Variants in EML4 observed in about 807,000 individuals in gnomAD.
EML4 encodes the protein echinoderm microtubule-associated protein-like 4.
In EML4, 72 loss-of-function variants were observed where a neutral mutation model predicts 129.0. The ratio of observed to expected loss-of-function variants is 0.56; its 90% CI spans 0.46 to 0.68. The LOEUF is 0.68. Among genes scored for constraint, EML4 ranks in the 30% least tolerant of loss-of-function variants. The pLI is 0.00. For synonymous variants in EML4, 532 were observed against 405.0 expected, an observed-to-expected ratio of 1.31 and a Z score of -3.77; for missense variants, 1,363 against 1,190.6, an observed-to-expected ratio of 1.14 and a Z score of -2.13.
At chr2:42,259,885 A>C (rs1046675393) in intron 3 of EML4, among the ~76,000 whole-genome samples, 14 of 150,844 alleles carry the variant, frequency 9.3e-5, no homozygotes, top group African/African-American at 3.4e-4. Flanking sequence ...GCCCACCACC[A>C]CACCCAGCTA....
At chr2:42,251,216 G>A (rs950129268) in intron 2 of EML4, among the ~76,000 whole-genome samples, 2 of 152,210 alleles carry the variant, frequency 1.3e-5, no homozygotes, top group African/African-American at 4.8e-5. Context: ...TACATAGGCA[G>A]TTGTAACACA....
intron 13 of EML4, 151 bp from the exon 14 acceptor site, chr2:42,301,090 G>T: frequency 1.7e-6 from 1 of 605,362 alleles, no homozygotes. Flanking sequence ...TACCTGCTTT[G>T]CACAAAAGAC....
intron 4 of EML4, 151 bp downstream of exon 4, chr2:42,261,445 A>G (rs1665730273): frequency 3.9e-6 from 2 of 510,820 alleles, no homozygotes; most frequent in African/African-American, 1.9e-5. Flanking sequence ...TTTATGCTTT[A>G]TAGCCCATTG....
chr2:42,221,517 C>G (rs1005618283), intron 1 of EML4, among the ~76,000 whole-genome samples: 10 of 150,238 alleles, frequency 6.7e-5, no homozygotes, highest in African/African-American at 2.4e-4. Flanking sequence ...CCAAGCAATC[C>G]TCCCACCTGA....
At chr2:42,240,118 A>G (rs983382639) in intron 1 of EML4, among the ~76,000 whole-genome samples, 3 of 152,146 alleles carry the variant, frequency 2.0e-5, no homozygotes, top group Non-Finnish European at 4.4e-5. Context: ...TTGTTTTAGT[A>G]ATCTATGATA....
At position 42,301,246 on chromosome 2, in the gene EML4, T is replaced by G; in HGVS notation, c.1495T>G (p.Tyr499Asp). The G allele has an allele frequency of 7.4e-6, 12 of 1,610,908 alleles. No homozygotes were observed. The highest frequency in any genetic ancestry group is 1.0e-5 in the Non-Finnish European group (12 of 1,178,820). ...PTPGKGPKGV[Y>D]QISKQIKAHD... ...TTATTTTTCCCTCATATTAGGTGTATATCAAATCAGCAAACAAATCAAAGC... is the reference window on the plus strand; with the variant it reads ...TTATTTTTCCCTCATATTAGGTGTAGATCAAATCAGCAAACAAATCAAAGC... The change falls in exon 14 of 23, where the codon TAT (tyrosine) becomes GAT (aspartate). Residue 499 changes from tyrosine to aspartate, a missense_variant. Physicochemically the swap from Tyr to Asp is radical, Grantham distance 160. Coordinates refer to ENST00000318522, the MANE Select transcript of EML4 (RefSeq NM_019063.5).
chr2:42,271,531 A>G (rs1350816027), intron 6 of EML4, among the ~76,000 whole-genome samples: 2 of 152,176 alleles, frequency 1.3e-5, no homozygotes, highest in African/African-American at 2.4e-5. Context: ...AACTATCCCA[A>G]CTTCTAAGAA....
intron 1 of EML4, among the ~76,000 whole-genome samples, chr2:42,230,319 G>C (rs189662044): frequency 6.6e-6 from 1 of 152,258 alleles, no homozygotes; most frequent in East Asian, 1.9e-4. Context: ...TTTATTAAAA[G>C]ATAATTAACA....
At chr2:42,211,720 G>A (rs1031348204) in intron 1 of EML4, among the ~76,000 whole-genome samples, 4 of 151,788 alleles carry the variant, frequency 2.6e-5, no homozygotes, top group African/African-American at 2.4e-5. Context: ...TTACTGCATC[G>A]TGTGTTGCCA....
chr2:42,284,519 A>T (rs756040982), intron 8 of EML4, 115 bp from the exon 9 acceptor site: 30 of 579,292 alleles, frequency 5.2e-5, no homozygotes, highest in Non-Finnish European at 7.3e-5. Context: ...AAGAAAACAG[A>T]TAAACGTATG....
At chr2:42,176,451 C>G (rs1670609902) in intron 1 of EML4, among the ~76,000 whole-genome samples, 1 of 152,174 alleles carries the variant, frequency 6.6e-6, no homozygotes, top group Non-Finnish European at 1.5e-5. Flanking sequence ...ATTCAAACAT[C>G]TTAGCCTCTT....
At chr2:42,271,592 A>G (rs368558685) in intron 6 of EML4, among the ~76,000 whole-genome samples, 19 of 151,804 alleles carry the variant, frequency 1.3e-4, no homozygotes, top group South Asian at 6.2e-4. Flanking sequence ...AAAAGCCCCA[A>G]CTGCCTTCTC....
At chr2:42,325,604 A>ATT (rs1669755397) in intron 20 of EML4, 50 bp downstream of exon 20, 1 of 37,692 alleles carries the variant, frequency 2.7e-5, no homozygotes, top group Non-Finnish European at 4.2e-5. Flanking sequence ...GATTATATTT[A>ATT]TATATATATA....
chr2:42,219,653 C>T (rs1017466), intron 1 of EML4, among the ~76,000 whole-genome samples: 1 of 151,926 alleles, frequency 6.6e-6, no homozygotes, highest in African/African-American at 2.4e-5. Flanking sequence ...TGCAGTGGCT[C>T]ACGCCTGTAA....
At chr2:42,321,790 CA>C (rs1669536730) in intron 19 of EML4, among the ~76,000 whole-genome samples, 2 of 152,222 alleles carry the variant, frequency 1.3e-5, no homozygotes, top group African/African-American at 4.8e-5. Flanking sequence ...CTCAAACCAG[CA>C]AACGCATATC....
At chr2:42,243,915 A>G (rs1675197583) in intron 1 of EML4, among the ~76,000 whole-genome samples, 1 of 152,178 alleles carries the variant, frequency 6.6e-6, no homozygotes, top group Admixed American at 6.5e-5. Context: ...TGAATGACTG[A>G]AACAGTCATT....
intron 22 of EML4, 74 bp downstream of exon 22, chr2:42,329,090 A>C: frequency 6.8e-7 from 1 of 1,461,976 alleles, no homozygotes; most frequent in Non-Finnish European, 9.3e-7. Context: ...ATAGCAAGAA[A>C]ATATAGGTTA....
intron 17 of EML4, among the ~76,000 whole-genome samples, chr2:42,314,675 T>C (rs980292827): frequency 4.6e-5 from 7 of 152,244 alleles, no homozygotes; most frequent in Non-Finnish European, 1.0e-4. Context: ...CACTTATTCA[T>C]TCTGCAGATA....
At chr2:42,190,814 C>G (rs186906362) in intron 1 of EML4, among the ~76,000 whole-genome samples, 2 of 152,290 alleles carry the variant, frequency 1.3e-5, no homozygotes, top group South Asian at 2.1e-4. Flanking sequence ...TGCTTGTGTT[C>G]CAGTGAAGCT....
Sources: allele counts gnomAD v4.1 joint callset (sites outside exome capture counted in the v4.1 genomes callset), GRCh38; gene constraint gnomAD v4.1.1; transcripts MANE v1.5; gene names NCBI Gene and HGNC (gene_info 2026-07-23, HGNC 2026-07-21).